PREX2: variants seen among roughly 807,000 people sequenced by gnomAD.
PREX2 encodes the protein phosphatidylinositol-3,4,5-trisphosphate dependent Rac exchange factor 2.
A neutral mutation model predicts 203.2 loss-of-function variants in PREX2; 107 were observed. The observed-to-expected ratio is 0.53, with a 90% CI of 0.45 to 0.62. PREX2 has a LOEUF of 0.62. PREX2 is among the 20% of genes least tolerant of loss of function. The pLI, the probability that PREX2 is intolerant of heterozygous loss-of-function variation, is 0.00. For missense variants in PREX2, 1,777 were observed against 1,955.9 expected, an observed-to-expected ratio of 0.91 and a Z score of 1.72; for synonymous variants, 672 against 663.6, an observed-to-expected ratio of 1.01 and a Z score of -0.19.
chr8:67,983,578 A>C (rs772291367), intron 1 of PREX2, among the ~76,000 whole-genome samples: 1 of 152,238 alleles, frequency 6.6e-6, no homozygotes, highest in Admixed American at 6.5e-5. Flanking sequence ...AGTTCCAAGC[A>C]GTTAAGCTGC....
At position 68,060,715 on chromosome 8, in the gene PREX2, TCACAGGCCTGAGGAAGGCGTG is replaced by T; in HGVS notation, c.1279_1299del (p.Arg427_His433del). 2.5e-6 allele frequency: 4 copies of T among 1,613,066 alleles called. No individual in the cohort carries two copies. Among genetic ancestry groups the T allele is most frequent in the Non-Finnish European group, 3.4e-6 (4 of 1,179,684 alleles). On this transcript the variant is annotated inframe_deletion, in exon 11 of 40. Transcript: ENST00000288368. Reference sequence around the variant, plus strand: ...CATGGCTGTTGGAAATTGGAGAGATTCACAGGCCTGAGGAAGGCGTGCACTTGGGACAAGCATTATTAGAAA... The same window carrying T: ...CATGGCTGTTGGAAATTGGAGAGATTCACTTGGGACAAGCATTATTAGAAA...
chr8:68,117,778 T>C (rs1057378238), intron 26 of PREX2, among the ~76,000 whole-genome samples: 11 of 152,190 alleles, frequency 7.2e-5, no homozygotes, highest in African/African-American at 2.7e-4. Flanking sequence ...TTCCCTGTGC[T>C]AAAAGCTCTG....
At chr8:68,089,024 A>G (rs1809784467) in intron 19 of PREX2, among the ~76,000 whole-genome samples, 1 of 152,116 alleles carries the variant, frequency 6.6e-6, no homozygotes, top group Non-Finnish European at 1.5e-5. Context: ...TATGAAATGG[A>G]AAGATATTTG....
At chr8:68,209,234 T>C (rs913272961) in intron 37 of PREX2, among the ~76,000 whole-genome samples, 1 of 152,160 alleles carries the variant, frequency 6.6e-6, no homozygotes, top group African/African-American at 2.4e-5. Context: ...TATTCCTTTC[T>C]AAAATTTGAA....
chr8:68,019,822 T>C (rs1209550887), intron 3 of PREX2, 151 bp downstream of exon 3: 1 of 690,250 alleles, frequency 1.4e-6, no homozygotes, highest in African/African-American at 1.8e-5. Context: ...ATCTTCCACT[T>C]AGAGCCAGAA....
chr8:67,956,973 A>G (rs1039156133), intron 1 of PREX2, among the ~76,000 whole-genome samples: 3 of 152,196 alleles, frequency 2.0e-5, no homozygotes, highest in Non-Finnish European at 2.9e-5. Context: ...CATTCGTAGA[A>G]GGGAGAACAA....
chr8:68,076,640 A>G (rs1394015159), intron 14 of PREX2, among the ~76,000 whole-genome samples: 1 of 150,658 alleles, frequency 6.6e-6, no homozygotes, highest in East Asian at 2.0e-4. Context: ...ATGAGATAAT[A>G]TGTGAGAAAA....
At chr8:68,166,138 C>G (rs1481299411) in intron 35 of PREX2, among the ~76,000 whole-genome samples, 1 of 152,150 alleles carries the variant, frequency 6.6e-6, no homozygotes, top group Non-Finnish European at 1.5e-5. Flanking sequence ...AAGACAGAGA[C>G]TGAAGCCCTC....
At chr8:68,207,692 G>T (rs1037061988) in intron 37 of PREX2, among the ~76,000 whole-genome samples, 3 of 152,074 alleles carry the variant, frequency 2.0e-5, no homozygotes, top group African/African-American at 7.2e-5. Context: ...ACTGTGTGTT[G>T]TATATTATTA....
In PREX2 at chr8:68,097,122, A is replaced by G; in HGVS notation, c.2474A>G (p.Tyr825Cys). 6.2e-7 allele frequency: 1 copy of G among 1,614,062 alleles called. No homozygotes were observed. The highest frequency in any genetic ancestry group is 8.5e-7 in the Non-Finnish European group (1 of 1,179,950). The change falls in exon 22 of 40, where the codon TAC (tyrosine) becomes TGC (cysteine). Residue 825 changes from tyrosine to cysteine, a missense_variant. Tyr to Cys is a radical substitution (Grantham distance 194). Coordinates refer to ENST00000288368, the MANE Select transcript of PREX2 (RefSeq NM_024870.4). ...CTGGAATATGGTGTCGTGTATGAGT[A>G]CGACAGCACAGCTGGCATCAAGTGC... ...VHLEYGVVYE[Y>C]DSTAGIKCNV...
chr8:68,015,484 A>G (rs996598758), intron 1 of PREX2, among the ~76,000 whole-genome samples: 5 of 152,204 alleles, frequency 3.3e-5, no homozygotes, highest in African/African-American at 1.2e-4. Context: ...CTTAGTTTGT[A>G]TGTTCCATTC....
At chr8:68,105,734 T>C (rs1185520454) in intron 23 of PREX2, 2 of 170,216 alleles carry the variant, frequency 1.2e-5, no homozygotes, top group Non-Finnish European at 2.3e-5. Context: ...CACACACATA[T>C]ATATATATAT....
chr8:68,074,768 A>G (rs111360535), intron 14 of PREX2, among the ~76,000 whole-genome samples: 265 of 152,300 alleles, frequency 1.7e-3, no homozygotes, highest in Non-Finnish European at 2.9e-3. Flanking sequence ...GGACTGAGAC[A>G]CTGAATTGAT....
chr8:68,092,034 G>T (rs2129612261), intron 20 of PREX2, among the ~76,000 whole-genome samples: 1 of 152,120 alleles, frequency 6.6e-6, no homozygotes, highest in East Asian at 1.9e-4. Context: ...GCTGCATTCT[G>T]CTGGGACCCG....
intron 1 of PREX2, among the ~76,000 whole-genome samples, chr8:67,995,933 C>T (rs1023905899): frequency 1.3e-5 from 2 of 152,170 alleles, no homozygotes; most frequent in Non-Finnish European, 2.9e-5. Flanking sequence ...TGCAATTTTA[C>T]ATTCTCTTCA....
At chr8:68,026,000 A>T (rs757546331) in intron 4 of PREX2, among the ~76,000 whole-genome samples, 4 of 152,150 alleles carry the variant, frequency 2.6e-5, no homozygotes, top group Non-Finnish European at 5.9e-5. Flanking sequence ...TATCACTGGA[A>T]ATATAATGAG....
In PREX2 at chr8:68,187,706, G is replaced by A. The variant is rs10090257; in HGVS notation, c.4347-4016G>A. 3.0e-3 allele frequency among the ~76,000 whole-genome samples: 464 copies of A among 152,246 alleles called. 4 individuals are homozygous for A. The highest frequency in any genetic ancestry group is 7.6e-3 in the African/African-American group (314 of 41,536). The stretch of plus-strand genomic sequence containing the variant: ...ACATCTGATCGAGGTACTTCTGTGC[G>A]TTCCAGCTTTGAGATGCCGCCTCTG... On this transcript the variant is annotated intron_variant, in intron 35 of 39. Transcript: ENST00000288368.
intron 1 of PREX2, among the ~76,000 whole-genome samples, chr8:67,953,173 C>A (rs1186676270): frequency 9.2e-6 from 1 of 108,652 alleles, no homozygotes; most frequent in Non-Finnish European, 1.8e-5. Context: ...ACAATTCCCT[C>A]CCCCCCGCCC....
intron 1 of PREX2, among the ~76,000 whole-genome samples, chr8:67,996,100 C>G (rs781577514): frequency 6.6e-6 from 1 of 151,778 alleles, no homozygotes; most frequent in Non-Finnish European, 1.5e-5. Context: ...ATCTAAGTAC[C>G]CTTTTATGTA....
Sources: allele counts gnomAD v4.1 joint callset (sites outside exome capture counted in the v4.1 genomes callset), GRCh38; gene constraint gnomAD v4.1.1; transcripts MANE v1.5; gene names NCBI Gene and HGNC (gene_info 2026-07-23, HGNC 2026-07-21).